Variants in STRADB observed in about 807,000 individuals in gnomAD.
STRADB encodes STE20 related adaptor beta.
A neutral mutation model predicts 52.1 loss-of-function variants in STRADB; 34 were observed. That is an observed-to-expected ratio of 0.65 (90% CI 0.50 to 0.87). The LOEUF (loss-of-function observed/expected upper bound fraction) is 0.87, where lower values mean the gene tolerates loss of function less well. STRADB is among the 40% of genes least tolerant of loss of function. The pLI is 0.00. For missense variants in STRADB, 340 were observed against 483.9 expected (o/e 0.70, Z 2.79); for synonymous variants, 133 against 174.5 (o/e 0.76, Z 1.87).
At chr2:201,462,738 C>T (rs760948007) in intron 3 of STRADB, among the ~76,000 whole-genome samples, 53 of 152,068 alleles carry the variant, frequency 3.5e-4, no homozygotes, top group Admixed American at 5.9e-4. Flanking sequence ...TCTTCTTGTA[C>T]TATTTTGAAA....
chr2:201,461,721 T>C (rs1952219281), intron 3 of STRADB, among the ~76,000 whole-genome samples: 2 of 152,200 alleles, frequency 1.3e-5, no homozygotes, highest in South Asian at 4.1e-4. Context: ...CTTGATTGCC[T>C]CTACTTTTGG....
chr2:201,466,249 G>A (rs1952303376), intron 3 of STRADB, among the ~76,000 whole-genome samples: 1 of 152,178 alleles, frequency 6.6e-6, no homozygotes, highest in African/African-American at 2.4e-5. Context: ...CTGAGAGAGA[G>A]GCCTAGAACT....
chr2:201,455,970 A>G (rs1049423229), intron 2 of STRADB, among the ~76,000 whole-genome samples: 5 of 152,244 alleles, frequency 3.3e-5, no homozygotes, highest in Non-Finnish European at 7.3e-5. Flanking sequence ...AGTTACTTAC[A>G]TGTTTAAAGT....
chr2:201,479,397 A>G (rs1952533976), intron 10 of STRADB, 92 bp from the exon 11 acceptor site: 9 of 1,154,894 alleles, frequency 7.8e-6, no homozygotes, highest in East Asian at 2.5e-5. Context: ...TGGGTTTTAT[A>G]GCACTAAACC....
chr2:201,477,804 G>T lies in STRADB; in HGVS notation c.720+14G>T. ...CTACTGAGACAGGTCAGGTGTGGCC[G>T]TTGGATTGGGTTGTCTGTGTCTCAA... On this transcript the variant is annotated intron_variant, in intron 8 of 11. Transcript: ENST00000194530. 6.2e-7 allele frequency: 1 copy of T among 1,605,782 alleles called. No individual in the cohort carries two copies. Among genetic ancestry groups the T allele is most frequent in the South Asian group, 1.1e-5 (1 of 90,800 alleles).
intron 3 of STRADB, among the ~76,000 whole-genome samples, chr2:201,468,907 A>C (rs1338271800): frequency 6.6e-6 from 1 of 152,234 alleles, no homozygotes; most frequent in Non-Finnish European, 1.5e-5. Flanking sequence ...AAAGAGGCAG[A>C]AAAAAAGAGA....
chr2:201,453,454 A>G (rs149253598), intron 1 of STRADB, among the ~76,000 whole-genome samples: 2 of 152,200 alleles, frequency 1.3e-5, no homozygotes, highest in African/African-American at 4.8e-5. Flanking sequence ...CATGGTAACC[A>G]CTCATTAAAC....
intron 3 of STRADB, among the ~76,000 whole-genome samples, chr2:201,464,121 AGATGTTCTT>A (rs1342330866): frequency 6.6e-6 from 1 of 152,032 alleles, no homozygotes; most frequent in African/African-American, 2.4e-5. Context: ...ATGTTTTCCT[AGATGTTCTT>A]GATGCTTGTG....
intron 2 of STRADB, among the ~76,000 whole-genome samples, chr2:201,457,019 G>T (rs1426698318): frequency 2.0e-5 from 3 of 152,090 alleles, no homozygotes; most frequent in African/African-American, 7.2e-5. Context: ...CAAAATTCCA[G>T]TCTCCCAGAA....
chr2:201,478,557 C>A lies in STRADB; in HGVS notation c.1026C>A (p.Phe342Leu). The A allele has an allele frequency of 1.2e-6, 2 of 1,613,948 alleles. No individual in the cohort carries two copies. The highest frequency in any genetic ancestry group is 1.7e-6 in the Non-Finnish European group (2 of 1,179,986). ...TPSSKTFSPA[F>L]FSLVQLCLQQ... ...CCTCAAAAACTTTCTCTCCTGCCTT[C>A]TTTAGCTTGGTACAGCTCTGTTTGC... The change falls in exon 10 of 12, where the codon TTC becomes TTA. Residue 342 changes from phenylalanine to leucine, a missense_variant. Phe to Leu is a conservative substitution (Grantham distance 22, BLOSUM62 0). Transcript: ENST00000194530.
At chr2:201,452,909 G>A (rs1226135279) in intron 1 of STRADB, among the ~76,000 whole-genome samples, 3 of 152,126 alleles carry the variant, frequency 2.0e-5, no homozygotes, top group Admixed American at 6.5e-5. Flanking sequence ...CAAGTGTAAG[G>A]GACTGCACTG....
At chr2:201,468,085 C>CTTTTTTTTTTTTTTT (rs536551120) in intron 3 of STRADB, among the ~76,000 whole-genome samples, 31 of 71,002 alleles carry the variant, frequency 4.4e-4, no homozygotes, top group African/African-American at 5.9e-4. Context: ...TTTTTTTTTT[C>CTTTTTTTTTTTTTTT]TTTTTTTTTT....
intron 4 of STRADB, among the ~76,000 whole-genome samples, chr2:201,472,563 T>G (rs1952406604): frequency 6.6e-6 from 1 of 152,208 alleles, no homozygotes; most frequent in African/African-American, 2.4e-5. Context: ...GATTGGTGGT[T>G]GCCAGGGACT....
intron 3 of STRADB, among the ~76,000 whole-genome samples, chr2:201,460,421 T>C (rs570933401): frequency 6.6e-6 from 1 of 152,330 alleles, no homozygotes; most frequent in African/African-American, 2.4e-5. Context: ...TTTTAAAATG[T>C]ATAATAAGTT....
At chr2:201,473,633 T>G (rs1364741892) in intron 5 of STRADB, among the ~76,000 whole-genome samples, 1 of 152,210 alleles carries the variant, frequency 6.6e-6, no homozygotes, top group African/African-American at 2.4e-5. Flanking sequence ...CTGCTGCTCC[T>G]TCAAATGAAT....
chr2:201,462,108 A>T (rs1266537097), intron 3 of STRADB, among the ~76,000 whole-genome samples: 2 of 152,192 alleles, frequency 1.3e-5, no homozygotes, highest in African/African-American at 4.8e-5. Flanking sequence ...GAAGTGAGGT[A>T]ATGTGATTCC....
At position 201,474,644 on chromosome 2, in the gene STRADB, T is replaced by C. The variant is rs1952443829; in HGVS notation, c.316-3T>C. The C allele has an allele frequency of 6.2e-7, 1 of 1,607,530 alleles. No individual in the cohort carries two copies. Among genetic ancestry groups the C allele is most frequent in the Middle Eastern group, 2.1e-4 (1 of 4,868 alleles). ...TGTCTTGTCTCTTGTGTGTTTATCC[T>C]AGAAAGCCGTGATTCTATCCCACTT... On this transcript the variant is annotated splice_region_variant and splice_polypyrimidine_tract_variant and intron_variant, in intron 5 of 11. Coordinates refer to ENST00000194530, the MANE Select transcript of STRADB (RefSeq NM_018571.6).
intron 3 of STRADB, among the ~76,000 whole-genome samples, chr2:201,464,845 C>T (rs1166368470): frequency 6.6e-6 from 1 of 152,234 alleles, no homozygotes. Flanking sequence ...TTTCCTCAGG[C>T]AGAAGGAGTC....
In STRADB at chr2:201,480,249, A is replaced by G; in HGVS notation, c.*74A>G. 1 of 1,585,324 alleles carries G rather than the reference A, an allele frequency of 6.3e-7. No homozygotes were observed. The highest frequency in any genetic ancestry group is 1.2e-5 in the South Asian group (1 of 85,936). On this transcript the variant is annotated 3_prime_UTR_variant, in exon 12 of 12. Transcript: ENST00000194530. ...TGCTTTTTCTTCTGTATTTCTAGGT[A>G]CAAATACCAGAATTATACTTGAAAA...
Sources: gnomAD v4.1 joint callset for allele counts (sites outside exome capture counted in the v4.1 genomes callset) on GRCh38, gnomAD v4.1.1 for gene constraint, MANE v1.5 for transcripts, NCBI Gene and HGNC (gene_info 2026-07-23, HGNC 2026-07-21) for gene names.